Variants in COLQ observed in about 807,000 individuals in gnomAD.
COLQ encodes acetylcholinesterase collagenic tail peptide.
COLQ carries 48 observed loss-of-function variants against 69.0 expected under a neutral mutation model. That is an observed-to-expected ratio of 0.70 (90% CI 0.55 to 0.88). The LOEUF (loss-of-function observed/expected upper bound fraction) is 0.88, where lower values mean the gene tolerates loss of function less well. Ranked by LOEUF, COLQ falls within the 40% of genes least tolerant of loss-of-function variation. COLQ has a pLI of 0.00. For synonymous variants in COLQ, 217 were observed against 211.2 expected (o/e 1.03, Z -0.24); for missense variants, 618 against 594.6 (o/e 1.04, Z -0.41).
intron 1 of COLQ, among the ~76,000 whole-genome samples, chr3:15,505,393 C>A (rs569454218): frequency 6.6e-6 from 1 of 152,308 alleles, no homozygotes; most frequent in South Asian, 2.1e-4. Flanking sequence ...AGTCATATAT[C>A]AAAAATACCT....
rs554739119 is a variant in COLQ, at chr3:15,473,628, T to C, written c.636+372A>G. ...CCTGTGCCTTACACTGAGGCCTGTG[T>C]GCTGACAGGGGCTTTGACCGTTGTG... On this transcript the variant is annotated intron_variant, in intron 10 of 16. Transcript: ENST00000383788. The surrounding 1 kb of genome is among the most constrained non-coding windows in gnomAD (Gnocchi z 4.0). Among the ~76,000 whole-genome samples, 1 of 152,318 alleles carries C rather than the reference T, an allele frequency of 6.6e-6. No individual in the cohort carries two copies. Among genetic ancestry groups the C allele is most frequent in the African/African-American group, 2.4e-5 (1 of 41,566 alleles).
chr3:15,485,567 C>T (rs2062559934), intron 3 of COLQ, among the ~76,000 whole-genome samples: 1 of 152,210 alleles, frequency 6.6e-6, no homozygotes, highest in South Asian at 2.1e-4. Context: ...AACAACAGCT[C>T]CCCTCAGCCT....
intron 3 of COLQ, among the ~76,000 whole-genome samples, chr3:15,482,386 C>A (rs975416066): frequency 3.9e-5 from 6 of 152,202 alleles, no homozygotes; most frequent in African/African-American, 1.4e-4. Flanking sequence ...TACGTCCCAT[C>A]AATACCTAGT....
At chr3:15,483,197 C>T (rs889525846) in intron 3 of COLQ, among the ~76,000 whole-genome samples, 7 of 151,720 alleles carry the variant, frequency 4.6e-5, no homozygotes, top group Admixed American at 1.3e-4. Flanking sequence ...AGGGTTTTTT[C>T]GTGTCTCTAT....
intron 11 of COLQ, among the ~76,000 whole-genome samples, chr3:15,468,061 G>C (rs2062226763): frequency 6.6e-6 from 1 of 152,202 alleles, no homozygotes; most frequent in South Asian, 2.1e-4. Flanking sequence ...TATAGCCACA[G>C]TTCAGTCTTG....
At chr3:15,518,268 G>A (rs2063088811) in intron 1 of COLQ, among the ~76,000 whole-genome samples, 1 of 151,968 alleles carries the variant, frequency 6.6e-6, no homozygotes, top group South Asian at 2.1e-4. Context: ...TGAAATCTCA[G>A]GCCCATTTCC....
At chr3:15,518,606 A>G (rs1468675516) in intron 1 of COLQ, among the ~76,000 whole-genome samples, 1 of 152,254 alleles carries the variant, frequency 6.6e-6, no homozygotes, top group Non-Finnish European at 1.5e-5. Context: ...CCTCTGATCC[A>G]GATAGCTGGT....
intron 12 of COLQ, among the ~76,000 whole-genome samples, chr3:15,463,634 C>A (rs1381089327): frequency 6.6e-6 from 1 of 152,034 alleles, no homozygotes; most frequent in African/African-American, 2.4e-5. Context: ...GTGTGAGCCA[C>A]CGCGCCTGGC....
intron 3 of COLQ, 95 bp downstream of exon 3, chr3:15,488,111 C>T: frequency 1.1e-6 from 1 of 896,812 alleles, no homozygotes. Flanking sequence ...AGCTTTGTAT[C>T]ACATGAGAAA....
chr3:15,506,561 C>G (rs1219092654), intron 1 of COLQ: 1 of 152,166 alleles, frequency 6.6e-6, no homozygotes, highest in African/African-American at 2.4e-5. Flanking sequence ...CAAAGGGTTA[C>G]TTGTAATATT....
chr3:15,475,125 C>G, intron 7 of COLQ, 174 bp from the exon 8 acceptor site: 1 of 753,458 alleles, frequency 1.3e-6, no homozygotes, highest in South Asian at 1.6e-5. Flanking sequence ...TGTGGTTATA[C>G]CAGGCCTAAA....
chr3:15,515,505 G>C (rs2063048094), intron 1 of COLQ, among the ~76,000 whole-genome samples: 1 of 152,234 alleles, frequency 6.6e-6, no homozygotes, highest in Non-Finnish European at 1.5e-5. Context: ...ACTTCTGACT[G>C]AATTGCATTT....
intron 1 of COLQ, among the ~76,000 whole-genome samples, chr3:15,504,552 T>G (rs2062878028): frequency 6.6e-6 from 1 of 152,204 alleles, no homozygotes; most frequent in South Asian, 2.1e-4. Flanking sequence ...TATAAAGACC[T>G]CATCTCCAAA....
At chr3:15,463,872 T>C (rs1441837256) in intron 12 of COLQ, among the ~76,000 whole-genome samples, 2 of 152,190 alleles carry the variant, frequency 1.3e-5, no homozygotes, top group African/African-American at 4.8e-5. Context: ...TGTGGGCACA[T>C]GGCCTGGGCT....
rs372064982 is a variant in COLQ, at chr3:15,456,462, G to C, written c.1072C>G (p.Gln358Glu). The change falls in exon 14 of 17, where the codon CAG (glutamine) becomes GAG (glutamate). Residue 358 changes from glutamine (Q) to glutamate (E), a missense_variant and splice_region_variant. Transcript: ENST00000383788. The part of the protein sequence containing the change: ...FKDSLGWLPI[Q>E]LTPFYPVDYT... Reference sequence around the variant, plus strand: ...CTGAGGTAATGGCCTGGGGGTACCTGGATGGGGAGCCAGCCAAGGCTGTCC... The same window carrying C: ...CTGAGGTAATGGCCTGGGGGTACCTCGATGGGGAGCCAGCCAAGGCTGTCC... 3.6e-5 allele frequency: 58 copies of C among 1,614,092 alleles called. No individual in the cohort carries two copies. The highest frequency in any genetic ancestry group is 1.7e-4 in the Middle Eastern group (1 of 6,010).
chr3:15,454,746 C>T (rs1453355859), intron 15 of COLQ, among the ~76,000 whole-genome samples: 1 of 150,710 alleles, frequency 6.6e-6, no homozygotes, highest in Non-Finnish European at 1.5e-5. Context: ...GCCTTGAACC[C>T]CTGGGCTCAA....
intron 1 of COLQ, among the ~76,000 whole-genome samples, chr3:15,499,638 T>G (rs2062804803): frequency 1.3e-5 from 2 of 152,230 alleles, no homozygotes; most frequent in Non-Finnish European, 2.9e-5. Context: ...GAAAGGACAC[T>G]TATGTTCATT....
chr3:15,459,425 AC>A (rs1219164134), intron 12 of COLQ, among the ~76,000 whole-genome samples: 4 of 151,058 alleles, frequency 2.6e-5, no homozygotes, highest in Non-Finnish European at 4.4e-5. Context: ...CAGCATCCAC[AC>A]TTTTATTTAT....
intron 1 of COLQ, among the ~76,000 whole-genome samples, chr3:15,492,025 T>C (rs900781099): frequency 2.7e-5 from 4 of 149,470 alleles, no homozygotes; most frequent in African/African-American, 9.9e-5. Flanking sequence ...GCCACTGCAC[T>C]CCAACCTGGC....
Sources: gnomAD v4.1 joint callset for allele counts (sites outside exome capture counted in the v4.1 genomes callset) on GRCh38, gnomAD v4.1.1 for gene constraint, Gnocchi (gnomAD v3.1) non-coding constraint, MANE v1.5 for transcripts, NCBI Gene and HGNC (gene_info 2026-07-23, HGNC 2026-07-21) for gene names.